Variants in FAM91A1 observed in about 807,000 individuals in gnomAD.
FAM91A1 encodes protein FAM91A1.
A neutral mutation model predicts 113.5 loss-of-function variants in FAM91A1; 41 were observed. The observed-to-expected ratio is 0.36, with a 90% CI of 0.28 to 0.47. The LOEUF (loss-of-function observed/expected upper bound fraction) is 0.47. Ranked by LOEUF, FAM91A1 falls within the 20% of genes least tolerant of loss-of-function variation. FAM91A1 has a pLI of 1.00. For synonymous variants in FAM91A1, 307 were observed against 347.9 expected, an observed-to-expected ratio of 0.88 and a Z score of 1.31; for missense variants, 696 against 1,001.2, an observed-to-expected ratio of 0.70 and a Z score of 4.11.
In FAM91A1 at chr8:123,775,139, T is replaced by C. The variant is rs1814950144; in HGVS notation, c.158-8T>C. 2 of 1,580,800 alleles carry C rather than the reference T, an allele frequency of 1.3e-6. No individual in the cohort carries two copies. Among genetic ancestry groups the C allele is most frequent in the Non-Finnish European group, 1.7e-6 (2 of 1,162,312 alleles). On this transcript the variant is annotated splice_region_variant and splice_polypyrimidine_tract_variant and intron_variant, in intron 2 of 23. Transcript: ENST00000334705. ...AAAAAAACTGGAGAATTTCCCTCTT[T>C]TGTGCAGTTAAACATGTCAAGAAAG...
At chr8:123,809,881 G>A (rs571383194) in intron 22 of FAM91A1, among the ~76,000 whole-genome samples, 15 of 152,288 alleles carry the variant, frequency 9.8e-5, no homozygotes, top group African/African-American at 3.6e-4. Flanking sequence ...GTAGGTTGGT[G>A]TGTGTTTAAT....
rs1465359186 is a variant in FAM91A1, at chr8:123,799,569, A to T, written c.1610A>T (p.Tyr537Phe). Residue 537 changes from tyrosine to phenylalanine, a missense_variant, in exon 17 of 24, where the codon TAC becomes TTC. Physicochemically the swap from Tyr to Phe is conservative, Grantham distance 22 (BLOSUM62 3). Coordinates refer to ENST00000334705, the MANE Select transcript of FAM91A1 (RefSeq NM_144963.4). ...GTCAGCTCTGTCTGGTTTAAACTGTACATTTATCATGTCACTGGACAAGGA... is the reference window on the plus strand; with the variant it reads ...GTCAGCTCTGTCTGGTTTAAACTGTTCATTTATCATGTCACTGGACAAGGA... Reference protein sequence around the residue: ...PEVSSVWFKLYIYHVTGQGPP... With the variant: ...PEVSSVWFKLFIYHVTGQGPP... The T allele has an allele frequency of 4.3e-6, 7 of 1,614,086 alleles. No homozygotes were observed. In the South Asian group the frequency reaches 7.7e-5, roughly 18 times the overall value.
At chr8:123,802,818 T>G (rs1815719653) in intron 18 of FAM91A1, among the ~76,000 whole-genome samples, 1 of 152,226 alleles carries the variant, frequency 6.6e-6, no homozygotes, top group South Asian at 2.1e-4. Flanking sequence ...GTTAAATACC[T>G]TTTTGAACTT....
At chr8:123,786,647 T>A in intron 12 of FAM91A1, 37 bp downstream of exon 12, 1 of 1,476,262 alleles carries the variant, frequency 6.8e-7, no homozygotes, top group Non-Finnish European at 9.5e-7. Flanking sequence ...AGTCTGTCTG[T>A]AGGTACGGCA....
In FAM91A1 at chr8:123,813,233, T is replaced by G. The variant is rs563743888; in HGVS notation, c.*529T>G. ...ATGAATTCCTATGGGTGTCTGTAAA[T>G]TATGTATGTCAGTTGGACATTGTAG... On this transcript the variant is annotated 3_prime_UTR_variant, in exon 24 of 24. Coordinates refer to ENST00000334705, the MANE Select transcript of FAM91A1 (RefSeq NM_144963.4). 6.5e-6 allele frequency: 1 copy of G among 152,672 alleles called. No individual in the cohort carries two copies. The highest frequency in any genetic ancestry group is 1.5e-5 in the Non-Finnish European group (1 of 68,060). 9.5% of individuals were successfully genotyped at this position (152,672 alleles called of 1,614,324 possible). A position where few individuals can be genotyped will look rare whatever the true frequency, so the allele number is the denominator to read the frequency against.
At chr8:123,788,257 G>A in intron 14 of FAM91A1, 1 of 984,400 alleles carries the variant, frequency 1.0e-6, no homozygotes, top group Non-Finnish European at 1.2e-6. Context: ...CGTGAGTACA[G>A]CCCTAGTTTT....
chr8:123,781,790 C>A (rs991610729), intron 8 of FAM91A1, among the ~76,000 whole-genome samples: 1 of 152,094 alleles, frequency 6.6e-6, no homozygotes, highest in Non-Finnish European at 1.5e-5. Context: ...CGGCCTGCAT[C>A]CTATTTTAAG....
At chr8:123,777,382 C>A in intron 4 of FAM91A1, 60 bp downstream of exon 4, 2 of 1,434,482 alleles carry the variant, frequency 1.4e-6, no homozygotes, top group South Asian at 1.2e-5. Flanking sequence ...TGCATCCTGT[C>A]ATCTGTGAAT....
At chr8:123,771,519 A>G (rs934470195) in intron 1 of FAM91A1, among the ~76,000 whole-genome samples, 1 of 152,148 alleles carries the variant, frequency 6.6e-6, no homozygotes, top group South Asian at 2.1e-4. Context: ...TTTTATGTGG[A>G]TGAGAGGACA....
chr8:123,801,572 A>G (rs1815682973), intron 18 of FAM91A1, among the ~76,000 whole-genome samples: 1 of 152,242 alleles, frequency 6.6e-6, no homozygotes, highest in Admixed American at 6.5e-5. Context: ...CTCATCTTCA[A>G]GGAATTTAAG....
At chr8:123,801,682 C>A (rs866330917) in intron 18 of FAM91A1, among the ~76,000 whole-genome samples, 2 of 152,026 alleles carry the variant, frequency 1.3e-5, no homozygotes, top group South Asian at 4.2e-4. Context: ...AGCCTTGGGG[C>A]AAGGAGAAGG....
intron 3 of FAM91A1, among the ~76,000 whole-genome samples, chr8:123,776,240 G>A (rs1207790804): frequency 6.6e-6 from 1 of 152,194 alleles, no homozygotes; most frequent in Non-Finnish European, 1.5e-5. Flanking sequence ...TATTTATTTA[G>A]TATTCATTTG....
chr8:123,801,704 G>A, intron 18 of FAM91A1, among the ~76,000 whole-genome samples: 1 of 152,120 alleles, frequency 6.6e-6, no homozygotes, highest in East Asian at 1.9e-4. Context: ...CTTAGGGGAG[G>A]TTCCTTAGAG....
chr8:123,777,726 G>A (rs1370263390), intron 4 of FAM91A1, among the ~76,000 whole-genome samples: 3 of 152,160 alleles, frequency 2.0e-5, no homozygotes, highest in Admixed American at 6.5e-5. Context: ...TATTTTGAAT[G>A]TGTCATAATT....
At chr8:123,772,844 A>G (rs1814888143) in intron 1 of FAM91A1, among the ~76,000 whole-genome samples, 1 of 152,240 alleles carries the variant, frequency 6.6e-6, no homozygotes, top group African/African-American at 2.4e-5. Flanking sequence ...CTGTACTACA[A>G]TAAGCTAGAG....
intron 1 of FAM91A1, among the ~76,000 whole-genome samples, chr8:123,769,714 A>T (rs954219759): frequency 1.2e-4 from 18 of 152,084 alleles, no homozygotes; most frequent in African/African-American, 4.4e-4. Flanking sequence ...TTACTAAAGA[A>T]AGACGTAAAC....
intron 13 of FAM91A1, 101 bp downstream of exon 13, chr8:123,787,474 C>T (rs1815287413): frequency 1.9e-6 from 2 of 1,074,980 alleles, no homozygotes; most frequent in Non-Finnish European, 2.7e-6. Context: ...TACATTTATT[C>T]CCGAAGCACA....
chr8:123,786,269 A>G (rs909104776), intron 11 of FAM91A1: 9 of 473,034 alleles, frequency 1.9e-5, no homozygotes, highest in Non-Finnish European at 3.0e-5. Context: ...ATTTTACATA[A>G]AATCTTGAAG....
At chr8:123,807,325 T>C (rs1038502253) in intron 20 of FAM91A1, among the ~76,000 whole-genome samples, 2 of 151,764 alleles carry the variant, frequency 1.3e-5, no homozygotes, top group African/African-American at 2.4e-5. Flanking sequence ...GAATACCTGC[T>C]TAGGTGCTGG....
Sources: gnomAD v4.1 joint callset for allele counts (sites outside exome capture counted in the v4.1 genomes callset) on GRCh38, gnomAD v4.1.1 for gene constraint, MANE v1.5 for transcripts, NCBI Gene and HGNC (gene_info 2026-07-23, HGNC 2026-07-21) for gene names.